Variants in TCF12 observed in about 807,000 individuals in gnomAD.
TCF12 encodes the protein transcription factor 12.
In TCF12, 45 loss-of-function variants were observed where a neutral mutation model predicts 86.0. The observed-to-expected ratio is 0.52, with a 90% CI of 0.41 to 0.67. The LOEUF (loss-of-function observed/expected upper bound fraction) is 0.67. Among genes scored for constraint, TCF12 ranks in the 30% least tolerant of loss-of-function variants. The pLI is 0.00. For missense variants in TCF12, 881 were observed against 859.9 expected (o/e 1.02, Z -0.31); for synonymous variants, 330 against 299.6 (o/e 1.10, Z -1.05).
chr15:57,006,072 T>A (rs1294156610), intron 3 of TCF12, among the ~76,000 whole-genome samples: 1 of 152,200 alleles, frequency 6.6e-6, no homozygotes, highest in Non-Finnish European at 1.5e-5. Context: ...TTTTCTGTGG[T>A]TTGCAATGTC....
intron 3 of TCF12, among the ~76,000 whole-genome samples, chr15:57,006,322 G>A (rs974492188): frequency 6.7e-6 from 1 of 149,644 alleles, no homozygotes; most frequent in African/African-American, 2.5e-5. Flanking sequence ...TTTTTTTTTT[G>A]AGATGGAGTT....
At chr15:57,010,407 C>A (rs1229157840) in intron 3 of TCF12, among the ~76,000 whole-genome samples, 1 of 151,940 alleles carries the variant, frequency 6.6e-6, no homozygotes, top group Non-Finnish European at 1.5e-5. Context: ...AGACATGCAG[C>A]CTATCTTTAA....
At chr15:56,939,926 C>G (rs2060649170) in intron 3 of TCF12, among the ~76,000 whole-genome samples, 1 of 148,278 alleles carries the variant, frequency 6.7e-6, no homozygotes, top group Non-Finnish European at 1.5e-5. Context: ...ACAGTCAGCT[C>G]TAGCTCTGAA....
At chr15:56,977,325 G>C (rs2062662058) in intron 3 of TCF12, among the ~76,000 whole-genome samples, 1 of 152,034 alleles carries the variant, frequency 6.6e-6, no homozygotes, top group Non-Finnish European at 1.5e-5. Flanking sequence ...TTGAGTCCAG[G>C]AGTTCGAGAC....
intron 3 of TCF12, among the ~76,000 whole-genome samples, chr15:57,013,760 T>C (rs1389248406): frequency 6.6e-6 from 1 of 152,250 alleles, no homozygotes; most frequent in Admixed American, 6.5e-5. Flanking sequence ...CTGAAGAAAC[T>C]ACTTGTGCGT....
intron 3 of TCF12, among the ~76,000 whole-genome samples, chr15:57,013,031 G>A (rs563535570): frequency 8.6e-5 from 13 of 151,656 alleles, no homozygotes; most frequent in Non-Finnish European, 1.5e-4. Flanking sequence ...GTAAGATACC[G>A]CAGATTTTTT....
chr15:57,131,974 C>T (rs1436672103), intron 5 of TCF12, among the ~76,000 whole-genome samples: 1 of 152,040 alleles, frequency 6.6e-6, no homozygotes, highest in African/African-American at 2.4e-5. Flanking sequence ...ATCTTGTCAG[C>T]TTTCTCTTTG....
chr15:57,178,977 G>A (rs987378316), intron 6 of TCF12, among the ~76,000 whole-genome samples: 7 of 151,272 alleles, frequency 4.6e-5, no homozygotes, highest in South Asian at 2.1e-4. Flanking sequence ...TCTACATCCC[G>A]GATCTCTCTA....
At chr15:57,066,334 T>C (rs188715207) in intron 4 of TCF12, among the ~76,000 whole-genome samples, 2 of 152,298 alleles carry the variant, frequency 1.3e-5, no homozygotes, top group African/African-American at 4.8e-5. Flanking sequence ...AAATTCTTAT[T>C]TAAGTACATT....
At chr15:56,970,871 G>A (rs1465034379) in intron 3 of TCF12, among the ~76,000 whole-genome samples, 3 of 150,586 alleles carry the variant, frequency 2.0e-5, no homozygotes, top group African/African-American at 7.3e-5. Context: ...GCAACATAGG[G>A]AGACCCTGTC....
intron 3 of TCF12, among the ~76,000 whole-genome samples, chr15:57,062,831 A>C (rs1161678062): frequency 6.6e-6 from 1 of 152,198 alleles, no homozygotes; most frequent in Non-Finnish European, 1.5e-5. Flanking sequence ...GAAGTCAACT[A>C]TTTCTGTGTT....
In TCF12 at chr15:57,228,189, C is replaced by T. The variant is rs991806707; in HGVS notation, c.580-2963C>T. ...TGAGACCACATCAGTTGTGCTTTGC[C>T]GCAAGAAGTCTTTGATCTGAAAAAT... On this transcript the variant is annotated intron_variant, in intron 8 of 20. Transcript: ENST00000333725. Among the ~76,000 whole-genome samples the T allele has an allele frequency of 4.6e-5, 7 of 151,986 alleles. 1 individual carries two copies. The highest frequency in any genetic ancestry group is 7.2e-5 in the African/African-American group (3 of 41,402).
chr15:57,205,093 A>T (rs2057746255), intron 8 of TCF12, among the ~76,000 whole-genome samples: 1 of 152,044 alleles, frequency 6.6e-6, no homozygotes, highest in Non-Finnish European at 1.5e-5. Context: ...CGGGCAGATC[A>T]CTTGAGCCCA....
chr15:57,269,283 C>T (rs1398212625), intron 18 of TCF12, among the ~76,000 whole-genome samples: 1 of 149,554 alleles, frequency 6.7e-6, no homozygotes, highest in Non-Finnish European at 1.5e-5. Flanking sequence ...ATGTAATGGC[C>T]TTCTTTGTCT....
chr15:57,009,412 AATG>A (rs1263154198), intron 3 of TCF12, among the ~76,000 whole-genome samples: 2 of 152,138 alleles, frequency 1.3e-5, no homozygotes, highest in African/African-American at 2.4e-5. Context: ...TGTGTGGCCT[AATG>A]GTCCTGTTTT....
At chr15:57,218,645 A>G (rs1320907964) in intron 8 of TCF12, among the ~76,000 whole-genome samples, 1 of 152,202 alleles carries the variant, frequency 6.6e-6, no homozygotes, top group Non-Finnish European at 1.5e-5. Context: ...TATATGAAAG[A>G]TGTGTGAATT....
intron 3 of TCF12, among the ~76,000 whole-genome samples, chr15:56,942,817 C>CTGAA (rs1393085934): frequency 6.6e-6 from 1 of 152,128 alleles, no homozygotes; most frequent in East Asian, 1.9e-4. Flanking sequence ...ATGAAATTGT[C>CTGAA]AGTTCAGATA....
At chr15:57,007,236 A>G (rs1437292582) in intron 3 of TCF12, among the ~76,000 whole-genome samples, 1 of 152,224 alleles carries the variant, frequency 6.6e-6, no homozygotes, top group East Asian at 1.9e-4. Flanking sequence ...GTAGATGAAA[A>G]TAAGGTTATT....
chr15:57,157,824 A>G (rs371804949), intron 5 of TCF12, among the ~76,000 whole-genome samples: 2 of 152,012 alleles, frequency 1.3e-5, no homozygotes, highest in African/African-American at 4.8e-5. Context: ...TAGACTCCCA[A>G]AGTGCTGGGA....
Sources: allele counts gnomAD v4.1 joint callset (sites outside exome capture counted in the v4.1 genomes callset), GRCh38; gene constraint gnomAD v4.1.1; transcripts MANE v1.5; gene names NCBI Gene and HGNC (gene_info 2026-07-23, HGNC 2026-07-21).